The following ZNF419 variants were observed in gnomAD, a reference collection of about 807,000 sequenced individuals.
ZNF419 encodes zinc finger protein 419.
ZNF419 carries 8 observed loss-of-function variants against 14.9 expected under a neutral mutation model. The ratio of observed to expected loss-of-function variants is 0.54; its 90% CI spans 0.32 to 0.97. The LOEUF is 0.97. Ranked by LOEUF, ZNF419 falls within the 50% of genes least tolerant of loss-of-function variation. The pLI is 0.04. For synonymous variants in ZNF419, 211 were observed against 205.3 expected (o/e 1.03, Z -0.24); for missense variants, 595 against 607.2 (o/e 0.98, Z 0.21).
In ZNF419 at chr19:57,492,249, G is replaced by C. The variant is rs1281925169; in HGVS notation, c.298+38G>C. 3 of 1,594,316 alleles carry C rather than the reference G, an allele frequency of 1.9e-6. No individual in the cohort carries two copies. The Admixed American group carries it at 5.0e-5, about 27-fold the overall frequency. ...TGGAGCTCAGGGAGGTGTGAACTCA[G>C]GGATGGATTCATATCATACCAGTAG... On this transcript the variant is annotated intron_variant, in intron 4 of 4. Coordinates refer to ENST00000221735, the MANE Select transcript of ZNF419 (RefSeq NM_024691.4).
At position 57,493,283 on chromosome 19, in the gene ZNF419, T is replaced by G. The variant is rs1436312371; in HGVS notation, c.726T>G (p.Asp242Glu). ...ECSECGKLFR[D>E]MSNLFIHQIV... ...GTGAATGTGGGAAGTTATTTAGAGA[T>G]ATGTCCAACCTTTTTATACACCAAA... Residue 242 changes from aspartate (D) to glutamate (E), a missense_variant, in exon 5 of 5, where the codon GAT becomes GAG. Asp to Glu is a conservative substitution (Grantham distance 45). Transcript: ENST00000221735. 6.2e-7 allele frequency: 1 copy of G among 1,614,064 alleles called. No individual in the cohort carries two copies. The highest frequency in any genetic ancestry group is 1.3e-5 in the African/African-American group (1 of 74,908).
At position 57,493,920 on chromosome 19, in the gene ZNF419, T is replaced by C. The variant is rs1292310545; in HGVS notation, c.1363T>C (p.Phe455Leu). 4.3e-6 allele frequency: 7 copies of C among 1,613,944 alleles called. No individual in the cohort carries two copies. The highest frequency in any genetic ancestry group is 5.9e-6 in the Non-Finnish European group (7 of 1,180,004). Reference protein sequence around the residue: ...HRKVHIGEKPFKCNECGRLFR... With the variant: ...HRKVHIGEKPLKCNECGRLFR... ...AAAAGTTCACATTGGAGAAAAGCCTTTTAAGTGCAATGAATGTGGGAGATT... is the reference window on the plus strand; with the variant it reads ...AAAAGTTCACATTGGAGAAAAGCCTCTTAAGTGCAATGAATGTGGGAGATT... Residue 455 changes from phenylalanine (F) to leucine (L), a missense_variant, in exon 5 of 5, where the codon TTT becomes CTT. Physicochemically the swap from Phe to Leu is conservative, Grantham distance 22. Coordinates refer to ENST00000221735, the MANE Select transcript of ZNF419 (RefSeq NM_024691.4).
In ZNF419 at chr19:57,493,632, A is replaced by T. The variant is rs1568572506; in HGVS notation, c.1075A>T (p.Ile359Phe). The part of the protein sequence containing the change: ...GKFYSHKSNL[I>F]KHWRVHTGER... ...ATTCTATAGCCACAAGTCCAACCTT[A>T]TCAAACATTGGCGTGTTCATACTGG... is the stretch of plus-strand genomic sequence containing the variant. The change falls in exon 5 of 5, where the codon ATC becomes TTC. Residue 359 changes from isoleucine to phenylalanine, a missense_variant. Ile to Phe is a conservative substitution (Grantham distance 21). Coordinates refer to ENST00000221735, the MANE Select transcript of ZNF419 (RefSeq NM_024691.4). The T allele has an allele frequency of 6.2e-7, 1 of 1,614,116 alleles. No homozygotes were observed. The highest frequency in any genetic ancestry group is 8.5e-7 in the Non-Finnish European group (1 of 1,179,964).
intron 2 of ZNF419, chr19:57,491,259 G>C (rs2089474103): frequency 1.6e-6 from 1 of 636,986 alleles, no homozygotes. Flanking sequence ...TGCATACCAT[G>C]CCCAGAGCTG....
chr19:57,493,230 C>T lies in ZNF419; in HGVS notation c.673C>T (p.His225Tyr). 1 of 1,614,200 alleles carries T rather than the reference C, an allele frequency of 6.2e-7. No individual in the cohort carries two copies. Among genetic ancestry groups the T allele is most frequent in the Non-Finnish European group, 8.5e-7 (1 of 1,180,022 alleles). Residue 225 changes from histidine (H) to tyrosine (Y), a missense_variant, in exon 5 of 5, where the codon CAT (histidine) becomes TAT (tyrosine). Coordinates refer to ENST00000221735, the MANE Select transcript of ZNF419 (RefSeq NM_024691.4). Reference sequence around the variant, plus strand: ...TTTACTTGTTCAGCACCAGAGACTACATGCTGGGAAAAAGACGTATGAATG... The same window carrying T: ...TTTACTTGTTCAGCACCAGAGACTATATGCTGGGAAAAAGACGTATGAATG... Reference protein sequence around the residue: ...KYLLVQHQRLHAGKKTYECSE... With the variant: ...KYLLVQHQRLYAGKKTYECSE...
chr19:57,490,353 A>T, intron 2 of ZNF419, 168 bp downstream of exon 2: 1 of 475,774 alleles, frequency 2.1e-6, no homozygotes, highest in Non-Finnish European at 3.7e-6. Context: ...ACTATATATT[A>T]TTTTTATTAT....
rs1249846924 is a variant in ZNF419, at chr19:57,493,271, G to C, written c.714G>C (p.Lys238Asn). ...KKTYECSECGKLFRDMSNLFI... is the reference protein window; with the variant it reads ...KKTYECSECGNLFRDMSNLFI... ...CGTATGAATGCAGTGAATGTGGGAA[G>C]TTATTTAGAGATATGTCCAACCTTT... The change falls in exon 5 of 5, where the codon AAG becomes AAC. Residue 238 changes from lysine to asparagine, a missense_variant. Coordinates refer to ENST00000221735, the MANE Select transcript of ZNF419 (RefSeq NM_024691.4). The C allele has an allele frequency of 6.2e-7, 1 of 1,614,238 alleles. No homozygotes were observed. The highest frequency in any genetic ancestry group is 8.5e-7 in the Non-Finnish European group (1 of 1,180,046).
rs762242745 is a variant in ZNF419, at chr19:57,487,922, C to T, written c.-29C>T. The T allele has an allele frequency of 5.0e-6, 8 of 1,613,720 alleles. No individual in the cohort carries two copies. In the South Asian group the frequency reaches 6.6e-5, roughly 13 times the overall value. On this transcript the variant is annotated 5_prime_UTR_variant, in exon 1 of 5. Coordinates refer to ENST00000221735, the MANE Select transcript of ZNF419 (RefSeq NM_024691.4). ...CCCGGGCCCTTTCCTCGGTCATTGT[C>T]TCCCCTCCAGCTCTACTCACAGGCT...
chr19:57,489,104 A>G (rs73629130), intron 1 of ZNF419: 2 of 152,272 alleles, frequency 1.3e-5, no homozygotes. Context: ...AAGTTTCCCT[A>G]GCCGTCAGCA....
intron 2 of ZNF419, 94 bp downstream of exon 2, chr19:57,490,279 C>T: frequency 8.3e-7 from 1 of 1,201,868 alleles, no homozygotes; most frequent in Non-Finnish European, 1.2e-6. Flanking sequence ...GCTGGCTATT[C>T]TCCCTACCCT....
chr19:57,492,892 A>C lies in ZNF419; in HGVS notation c.335A>C (p.Glu112Ala). ...WHGAEAEEAP[E>A]QIASVGLLSS... ...GGAGCCGAGGCTGAGGAGGCTCCTG[A>C]GCAGATTGCTTCTGTAGGACTGCTC... The change falls in exon 5 of 5, where the codon GAG becomes GCG. Residue 112 changes from glutamate (E) to alanine (A), a missense_variant. Transcript: ENST00000221735. 6.2e-7 allele frequency: 1 copy of C among 1,614,076 alleles called. No homozygotes were observed. The highest frequency in any genetic ancestry group is 8.5e-7 in the Non-Finnish European group (1 of 1,179,976).
intron 1 of ZNF419, chr19:57,488,258 T>G (rs953451801): frequency 5.6e-6 from 3 of 531,560 alleles, no homozygotes; most frequent in Non-Finnish European, 1.0e-5. Context: ...CAGCTGCGCT[T>G]TCATCCTGAG....
chr19:57,488,808 G>C (rs1372075631), intron 1 of ZNF419: 1 of 152,192 alleles, frequency 6.6e-6, no homozygotes. Context: ...TTAGGAGGGA[G>C]AATCTTAAGG....
intron 3 of ZNF419, 24 bp downstream of exon 3, chr19:57,491,621 A>G (rs1278512570): frequency 6.2e-7 from 1 of 1,614,118 alleles, no homozygotes; most frequent in South Asian, 1.1e-5. Context: ...ACCCCACCCC[A>G]GCATCCTGAG....
intron 2 of ZNF419, 143 bp from the exon 3 acceptor site, chr19:57,491,328 T>A (rs1308933909): frequency 1.8e-5 from 22 of 1,234,656 alleles, no homozygotes; most frequent in African/African-American, 4.5e-5. Flanking sequence ...GAGGAGAGAG[T>A]GGGCATCAGT....
rs1418359711 is a variant in ZNF419, at chr19:57,490,191, T to G, written c.72+6T>G. On this transcript the variant is annotated splice_donor_region_variant and intron_variant, in intron 2 of 4. Transcript: ENST00000221735. ...TGCTTACAGACCATGAGGAGGTAAGTGGAGGATGTCTCAGGTCCTCACACT... is the reference window on the plus strand; with the variant it reads ...TGCTTACAGACCATGAGGAGGTAAGGGGAGGATGTCTCAGGTCCTCACACT... 1.9e-6 allele frequency: 3 copies of G among 1,613,300 alleles called. No individual in the cohort carries two copies. The highest frequency in any genetic ancestry group is 1.3e-5 in the African/African-American group (1 of 75,024).
intron 4 of ZNF419, 129 bp downstream of exon 4, chr19:57,492,340 C>A: frequency 9.4e-7 from 1 of 1,058,854 alleles, no homozygotes; most frequent in Non-Finnish European, 1.5e-6. Flanking sequence ...CCTTAGTCAC[C>A]CATTTATATC....
At chr19:57,491,175 A>C in intron 2 of ZNF419, 1 of 442,772 alleles carries the variant, frequency 2.3e-6, no homozygotes, top group Non-Finnish European at 4.2e-6. Flanking sequence ...ACACTGACAC[A>C]AATTTGATTG....
In ZNF419 at chr19:57,495,174, A is replaced by C. The variant is rs1249533930; in HGVS notation, c.*1084A>C. On this transcript the variant is annotated 3_prime_UTR_variant, in exon 5 of 5. Coordinates refer to ENST00000221735, the MANE Select transcript of ZNF419 (RefSeq NM_024691.4). Reference sequence around the variant, plus strand: ...TGGCTTTTGTTTTCTTTTCTTTTTTAAAATTTAGAGATGAGGTCGTGCTAT... The same window carrying C: ...TGGCTTTTGTTTTCTTTTCTTTTTTCAAATTTAGAGATGAGGTCGTGCTAT... The C allele has an allele frequency of 6.6e-6, 1 of 152,040 alleles. No individual in the cohort carries two copies. Among genetic ancestry groups the C allele is most frequent in the Non-Finnish European group, 1.5e-5 (1 of 68,012 alleles). The allele number at this position is 152,040 out of a possible 1,614,324, so 9.4% of individuals were successfully genotyped here.
Sources: gnomAD v4.1 joint callset for allele counts on GRCh38, gnomAD v4.1.1 for gene constraint, MANE v1.5 for transcripts, NCBI Gene and HGNC (gene_info 2026-07-23, HGNC 2026-07-21) for gene names.